Variants in TEX15 observed in about 807,000 individuals in gnomAD.
The protein encoded by TEX15 is testis-expressed protein 15.
TEX15 carries 171 observed loss-of-function variants against 237.3 expected under a neutral mutation model. The ratio of observed to expected loss-of-function variants is 0.72; its 90% CI spans 0.64 to 0.82. The LOEUF is 0.82. Ranked by LOEUF, TEX15 falls within the 40% of genes least tolerant of loss-of-function variation. The pLI, the probability that TEX15 is intolerant of heterozygous loss-of-function variation, is 0.00. For missense variants in TEX15, 3,750 were observed against 3,646.5 expected, an observed-to-expected ratio of 1.03 and a Z score of -0.73; for synonymous variants, 1,338 against 1,269.8, an observed-to-expected ratio of 1.05 and a Z score of -1.14.
rs1445549168 is a variant in TEX15, at chr8:30,881,615, T to A, written c.136+5552A>T. 1.6e-5 allele frequency among the ~76,000 whole-genome samples: 2 copies of A among 128,780 alleles called. 1 individual carries two copies. The highest frequency in any genetic ancestry group is 1.5e-4 in the Admixed American group (2 of 13,064). 84.5% of individuals were successfully genotyped at this position (128,780 alleles called of 152,430 possible). ...TAATTATCCTTCCATCTTGACTTTT[T>A]ATTTTTTTTTATTATTTTTTTTTTT... On this transcript the variant is annotated intron_variant, in intron 3 of 10. Transcript: ENST00000643185.
chr8:30,848,231 C>G lies in TEX15; in HGVS notation c.1936G>C (p.Asp646His). ...KQTSWKEIDN[D>H]FTNETKISPI... The stretch of plus-strand genomic sequence containing the variant: ...CTGATTTTTGTTTCATTAGTGAAAT[C>G]ATTATCAATTTCTTTCCATGAAGTT... Residue 646 changes from aspartate to histidine, a missense_variant, in exon 8 of 11, where the codon GAT becomes CAT. Coordinates refer to ENST00000643185, the MANE Select transcript of TEX15 (RefSeq NM_001350162.2). 6.2e-7 allele frequency: 1 copy of G among 1,612,412 alleles called. No homozygotes were observed. The highest frequency in any genetic ancestry group is 2.2e-5 in the East Asian group (1 of 44,850).
Position 30,848,678 on chromosome 8 carries a change from G to A in TEX15, c.1489C>T (p.Pro497Ser), listed in dbSNP as rs1807691307. The A allele has an allele frequency of 6.2e-7, 1 of 1,614,042 alleles. No homozygotes were observed. Among genetic ancestry groups the A allele is most frequent in the Admixed American group, 1.7e-5 (1 of 60,010 alleles). ...TCATTAACAGAAGTTTTAAAGCAAG[G>A]GGTATCCAAACCATTAGTAAGAACA... Reference protein sequence around the residue: ...CAVLTNGLDTPCFKTSVNDSQ... With the variant: ...CAVLTNGLDTSCFKTSVNDSQ... Residue 497 changes from proline (P) to serine (S), a missense_variant, in exon 8 of 11, where the codon CCT becomes TCT. Pro to Ser is a moderately conservative substitution (Grantham distance 74). Transcript: ENST00000643185.
chr8:30,852,100 CTTTTTTTTT>C (rs910989172), intron 7 of TEX15, among the ~76,000 whole-genome samples: 2 of 90,424 alleles, frequency 2.2e-5, no homozygotes, highest in African/African-American at 5.5e-5. Flanking sequence ...TTAATTTAAT[CTTTTTTTTT>C]TTTTTTTTTT....
intron 2 of TEX15, among the ~76,000 whole-genome samples, chr8:30,895,929 T>C (rs1047631714): frequency 5.3e-5 from 8 of 152,112 alleles, no homozygotes; most frequent in African/African-American, 1.9e-4. Context: ...TCCATCCACC[T>C]TGGCCTCCCA....
At chr8:30,860,381 G>C (rs1794625055) in intron 5 of TEX15, among the ~76,000 whole-genome samples, 1 of 151,752 alleles carries the variant, frequency 6.6e-6, no homozygotes, top group South Asian at 2.1e-4. Context: ...CAAAGCACTG[G>C]GATTATAGGC....
intron 1 of TEX15, among the ~76,000 whole-genome samples, chr8:30,907,577 T>G (rs1225602458): frequency 7.4e-6 from 1 of 135,012 alleles, no homozygotes; most frequent in Non-Finnish European, 1.6e-5. Context: ...TTATTATATA[T>G]AAATTAATAT....
In TEX15 at chr8:30,908,429, A is replaced by G. The variant is rs546940616; in HGVS notation, c.-86+4450T>C. On this transcript the variant is annotated intron_variant, in intron 1 of 10. Coordinates refer to ENST00000643185, the MANE Select transcript of TEX15 (RefSeq NM_001350162.2). ...TTTATAGTAATGTTTTCATCTATGT[A>G]TATCGAGAAAATATTTGCCTATATA... Among the ~76,000 whole-genome samples the G allele has an allele frequency of 5.3e-5, 8 of 152,308 alleles. No homozygotes were observed. In the East Asian group the frequency reaches 1.5e-3, roughly 29 times the overall value.
chr8:30,848,084 T>C lies in TEX15; in HGVS notation c.2083A>G (p.Thr695Ala). The C allele has an allele frequency of 1.2e-6, 2 of 1,611,332 alleles. No individual in the cohort carries two copies. The highest frequency in any genetic ancestry group is 1.7e-6 in the Non-Finnish European group (2 of 1,178,738). Reference sequence around the variant, plus strand: ...TCATCCTTATCCTTTATGGTAGATGTAGAAGATTTTGTTATTTCTAACTCT... The same window carrying C: ...TCATCCTTATCCTTTATGGTAGATGCAGAAGATTTTGTTATTTCTAACTCT... ...TQELEITKSS[T>A]STIKDKDELD... The change falls in exon 8 of 11, where the codon ACA becomes GCA. Residue 695 changes from threonine (T) to alanine (A), a missense_variant. Coordinates refer to ENST00000643185, the MANE Select transcript of TEX15 (RefSeq NM_001350162.2).
At position 30,847,379 on chromosome 8, in the gene TEX15, T is replaced by G. The variant is rs1234761639; in HGVS notation, c.2788A>C (p.Asn930His). ...AATGCAGTTGCTGCTGACACTGCAT[T>G]ATCTTCTCTGCAAATCAAGTTAAAT... is the stretch of plus-strand genomic sequence containing the variant. ...TKFNLICRED[N>H]AVSAATALLE... is the part of the protein sequence containing the mutation. The change falls in exon 8 of 11, where the codon AAT becomes CAT. Residue 930 changes from asparagine (N) to histidine (H), a missense_variant. Transcript: ENST00000643185. The G allele has an allele frequency of 6.2e-7, 1 of 1,613,554 alleles. No individual in the cohort carries two copies. The highest frequency in any genetic ancestry group is 1.7e-5 in the Admixed American group (1 of 59,998).
chr8:30,844,043 C>T lies in TEX15; in HGVS notation c.6124G>A (p.Val2042Ile). 6.2e-7 allele frequency: 1 copy of T among 1,611,444 alleles called. No homozygotes were observed. The highest frequency in any genetic ancestry group is 8.5e-7 in the Non-Finnish European group (1 of 1,178,944). Residue 2042 changes from valine (V) to isoleucine (I), a missense_variant, in exon 8 of 11, where the codon GTT (valine) becomes ATT (isoleucine). Coordinates refer to ENST00000643185, the MANE Select transcript of TEX15 (RefSeq NM_001350162.2). ...TCTCTTGAAATCAGGATTTGTTCAA[C>T]TGAACATTCTTGCTTTCTTTCAAAA... The part of the protein sequence containing the change: ...EAFERKQECS[V>I]EQILISRELL...
Position 30,848,047 on chromosome 8 carries a change from A to G in TEX15, c.2120T>C (p.Leu707Pro), listed in dbSNP as rs1455477188. The change falls in exon 8 of 11, where the codon CTA (leucine) becomes CCA (proline). Residue 707 changes from leucine (L) to proline (P), a missense_variant. Physicochemically the swap from Leu to Pro is moderately conservative, Grantham distance 98 (BLOSUM62 -3). Transcript: ENST00000643185. The stretch of plus-strand genomic sequence containing the variant: ...TGGAGTAATTTGCCATTCCAATGCT[A>G]GATGATCTAGTTCATCCTTATCCTT... ...TIKDKDELDH[L>P]ALEWQITPSF... is the part of the protein sequence containing the mutation. The G allele has an allele frequency of 6.2e-7, 1 of 1,613,710 alleles. No homozygotes were observed. The highest frequency in any genetic ancestry group is 8.5e-7 in the Non-Finnish European group (1 of 1,179,926).
At chr8:30,853,379 T>C (rs960670150) in intron 7 of TEX15, among the ~76,000 whole-genome samples, 1 of 152,142 alleles carries the variant, frequency 6.6e-6, no homozygotes, top group African/African-American at 2.4e-5. Flanking sequence ...CAGCAGAATA[T>C]AGTACAATTG....
rs34610592 is a variant in TEX15 at position 30,838,773 on chromosome 8, C to CATAT, written c.8223-716_8223-713dup. 1.4e-3 allele frequency among the ~76,000 whole-genome samples: 94 copies of CATAT among 65,460 alleles called. 1 individual carries two copies. The highest frequency in any genetic ancestry group is 2.4e-3 in the South Asian group (4 of 1,640). 42.9% of individuals were successfully genotyped at this position (65,460 alleles called of 152,430 possible). A position where few individuals can be genotyped will look rare whatever the true frequency, so the allele number is the denominator to read the frequency against. On this transcript the variant is annotated intron_variant, in intron 9 of 10. Coordinates refer to ENST00000643185, the MANE Select transcript of TEX15 (RefSeq NM_001350162.2). ...ATGTGTATGTGTGTATATATAAAAA[C>CATAT]ATATATATATATATATATATATATA...
At position 30,848,461 on chromosome 8, in the gene TEX15, C is replaced by T. The variant is rs1432248148; in HGVS notation, c.1706G>A (p.Gly569Asp). Residue 569 changes from glycine (G) to aspartate (D), a missense_variant, in exon 8 of 11, where the codon GGT becomes GAT. Transcript: ENST00000643185. Reference sequence around the variant, plus strand: ...ACTGTACTCTTTTGTATAAGCATTACCGGACTCCTGTTGGGCTCTCTGAGC... The same window carrying T: ...ACTGTACTCTTTTGTATAAGCATTATCGGACTCCTGTTGGGCTCTCTGAGC... Reference protein sequence around the residue: ...EKAQRAQQESGNAYTKEYSSH... With the variant: ...EKAQRAQQESDNAYTKEYSSH... 2 of 1,613,946 alleles carry T rather than the reference C, an allele frequency of 1.2e-6. No individual in the cohort carries two copies. Among genetic ancestry groups the T allele is most frequent in the Admixed American group, 1.7e-5 (1 of 59,986 alleles).
chr8:30,875,163 A>G (rs547268208), intron 3 of TEX15, 61 bp from the exon 4 acceptor site: 2 of 1,075,994 alleles, frequency 1.9e-6, no homozygotes, highest in Non-Finnish European at 2.4e-6. Context: ...CATCTGTACA[A>G]TGACAACTGT....
chr8:30,836,742 A>G, intron 10 of TEX15, 61 bp downstream of exon 10: 1 of 1,401,516 alleles, frequency 7.1e-7, no homozygotes, highest in South Asian at 1.4e-5. Flanking sequence ...TTTCACTTAC[A>G]TAAATGGACA....
chr8:30,895,013 C>A (rs1808868870), intron 2 of TEX15, among the ~76,000 whole-genome samples: 2 of 152,100 alleles, frequency 1.3e-5, no homozygotes, highest in Admixed American at 6.5e-5. Context: ...AGAACTGTGA[C>A]AAAGAAATTT....
intron 10 of TEX15, among the ~76,000 whole-genome samples, chr8:30,834,435 G>C (rs547944003): frequency 5.9e-4 from 90 of 152,294 alleles, no homozygotes; most frequent in Admixed American, 6.5e-4. Flanking sequence ...GCCTCCCAGA[G>C]TGCTGGGATT....
chr8:30,883,417 C>T (rs1404933907), intron 3 of TEX15, among the ~76,000 whole-genome samples: 1 of 151,346 alleles, frequency 6.6e-6, no homozygotes, highest in African/African-American at 2.4e-5. Flanking sequence ...GGTGCATGTG[C>T]AGAATATGCA....
Sources: allele counts gnomAD v4.1 joint callset (sites outside exome capture counted in the v4.1 genomes callset), GRCh38; gene constraint gnomAD v4.1.1; transcripts MANE v1.5; gene names NCBI Gene and HGNC (gene_info 2026-07-23, HGNC 2026-07-21).